The following SEMA4B variants were observed in gnomAD, a reference collection of about 807,000 sequenced individuals.
SEMA4B encodes the protein semaphorin-4B.
Under a neutral mutation model 88.1 loss-of-function variants are expected in SEMA4B, and 55 were observed. The ratio of observed to expected loss-of-function variants is 0.62; its 90% CI spans 0.50 to 0.78. The LOEUF is 0.78. Among genes scored for constraint, SEMA4B ranks in the 30% least tolerant of loss-of-function variants. The pLI, the probability that SEMA4B is intolerant of heterozygous loss-of-function variation, is 0.00. For synonymous variants in SEMA4B, 525 were observed against 473.6 expected (o/e 1.11, Z -1.41); for missense variants, 1,062 against 1,111.9 (o/e 0.96, Z 0.64).
intron 1 of SEMA4B, 103 bp from the exon 2 acceptor site, chr15:90,217,336 C>G: frequency 7.9e-7 from 1 of 1,261,350 alleles, no homozygotes; most frequent in Non-Finnish European, 1.1e-6. Context: ...CACCCTTTGC[C>G]TTGCTGATTA....
intron 1 of SEMA4B, among the ~76,000 whole-genome samples, chr15:90,209,094 G>C (rs1348486996): frequency 6.6e-6 from 1 of 152,002 alleles, no homozygotes; most frequent in Non-Finnish European, 1.5e-5. Flanking sequence ...TTTTTATCTG[G>C]GGCCCCTCTC....
intron 12 of SEMA4B, chr15:90,227,319 T>C (rs147316593): frequency 0.01 from 5,172 of 499,340 alleles, 39 homozygotes; most frequent in Non-Finnish European, 0.013. Flanking sequence ...AGTGCTGGGA[T>C]TACAGGCGTG....
chr15:90,229,050 CAG>C lies in SEMA4B; in HGVS notation c.*410_*411del. 2.8e-6 allele frequency: 1 copy of C among 358,942 alleles called. No individual in the cohort carries two copies. The highest frequency in any genetic ancestry group is 2.2e-5 in the South Asian group (1 of 46,480). 22.2% of individuals were successfully genotyped at this position (358,942 alleles called of 1,614,324 possible). On this transcript the variant is annotated 3_prime_UTR_variant, in exon 14 of 14. Coordinates refer to ENST00000411539, the MANE Select transcript of SEMA4B (RefSeq NM_198925.4). The stretch of plus-strand genomic sequence containing the variant: ...ATGCATCCAAAGTGGTTGTCTGAGA[CAG>C]AGTTGGAAACCCTCACCAACTGGCC...
chr15:90,224,080 A>G, intron 9 of SEMA4B, 92 bp downstream of exon 9: 1 of 1,248,330 alleles, frequency 8.0e-7, no homozygotes, highest in South Asian at 1.4e-5. Flanking sequence ...CCTCGGGCAG[A>G]TCACTTGGCT....
rs564971492 is a variant in SEMA4B at position 90,201,400 on chromosome 15, G to A, written c.-179G>A. On this transcript the variant is annotated 5_prime_UTR_variant, in exon 1 of 14. Transcript: ENST00000411539. ...CGGCGGGAGGACTGCGGTGCCCCGCGGAGGGGCTGAGTTTGCCAGGGCCCA... is the reference window on the plus strand; with the variant it reads ...CGGCGGGAGGACTGCGGTGCCCCGCAGAGGGGCTGAGTTTGCCAGGGCCCA... 9 of 1,277,750 alleles carry A rather than the reference G, an allele frequency of 7.0e-6. No homozygotes were observed. In the South Asian group the frequency reaches 2.3e-4, roughly 32 times the overall value. The allele number at this position is 1,277,750 out of a possible 1,614,324, so 79.2% of individuals were successfully genotyped here. A position where few individuals can be genotyped will look rare whatever the true frequency, so the allele number is the denominator to read the frequency against.
At chr15:90,207,814 A>G (rs1961066181) in intron 1 of SEMA4B, among the ~76,000 whole-genome samples, 2 of 152,216 alleles carry the variant, frequency 1.3e-5, no homozygotes, top group South Asian at 2.1e-4. Context: ...TTGCATGGCC[A>G]TAGTTGGGAA....
chr15:90,206,848 A>C, intron 1 of SEMA4B: 9 of 719,954 alleles, frequency 1.3e-5, no homozygotes, highest in South Asian at 1.2e-4. Flanking sequence ...TCTCTGTCAA[A>C]TTGACAGAGA....
At chr15:90,221,246 T>G (rs1373298323) in intron 5 of SEMA4B, 121 bp from the exon 6 acceptor site, 2 of 1,153,550 alleles carry the variant, frequency 1.7e-6, no homozygotes, top group Admixed American at 4.1e-5. Context: ...TTTTCCAAGT[T>G]CCAGCTTCCT....
At chr15:90,196,100 T>G (rs1960495952) in intron 1 of SEMA4B, among the ~76,000 whole-genome samples, 1 of 150,450 alleles carries the variant, frequency 6.6e-6, no homozygotes, top group Non-Finnish European at 1.5e-5. Flanking sequence ...TTTTTTTTTT[T>G]TGTATTTTTA....
In SEMA4B at chr15:90,194,636, TTTAC is replaced by T. The variant is rs780763823; in HGVS notation, c.-121-6814_-121-6811del. On this transcript the variant is annotated intron_variant, in intron 1 of 14. Transcript: ENST00000332496. ...TGACTCTGTCTCACCCATTTATTTA[TTTAC>T]TTACTTATTTTCAGGCTCCCAAAGT... 2.8e-4 allele frequency among the ~76,000 whole-genome samples: 43 copies of T among 152,166 alleles called. 1 individual carries two copies. The highest frequency in any genetic ancestry group is 1.9e-4 in the Non-Finnish European group (13 of 68,030).
chr15:90,203,061 C>T (rs1413409758), intron 1 of SEMA4B, among the ~76,000 whole-genome samples: 4 of 152,208 alleles, frequency 2.6e-5, no homozygotes, highest in African/African-American at 9.6e-5. Flanking sequence ...GGTATAATAA[C>T]AGAACCTACC....
At chr15:90,186,819 G>T (rs975746126) in intron 1 of SEMA4B, among the ~76,000 whole-genome samples, 1 of 152,060 alleles carries the variant, frequency 6.6e-6, no homozygotes, top group Admixed American at 6.5e-5. Flanking sequence ...TGTAGTCCCA[G>T]CTACTCGCGA....
At chr15:90,185,924 A>ATTTTTT (rs398028319) in intron 1 of SEMA4B, among the ~76,000 whole-genome samples, 2 of 55,456 alleles carry the variant, frequency 3.6e-5, no homozygotes, top group Admixed American at 2.7e-4. Context: ...TCTTTTGGTG[A>ATTTTTT]TTTTTTTTTT....
chr15:90,187,411 C>T (rs1042990485), intron 1 of SEMA4B, among the ~76,000 whole-genome samples: 1 of 152,182 alleles, frequency 6.6e-6, no homozygotes, highest in African/African-American at 2.4e-5. Context: ...CCTGCTGTTT[C>T]CATGTTCTGT....
At chr15:90,217,665 G>A in intron 2 of SEMA4B, 63 bp downstream of exon 2, 4 of 1,606,180 alleles carry the variant, frequency 2.5e-6, no homozygotes, top group Non-Finnish European at 3.4e-6. Flanking sequence ...AGATGGACGG[G>A]AAGCTTGACC....
chr15:90,189,315 C>G (rs1262841263), intron 1 of SEMA4B, among the ~76,000 whole-genome samples: 1 of 152,166 alleles, frequency 6.6e-6, no homozygotes, highest in Non-Finnish European at 1.5e-5. Context: ...TGATTTCTGA[C>G]TATAGGTTGA....
chr15:90,201,552 C>T lies in SEMA4B; in HGVS notation c.-27C>T, dbSNP rs1567045827. On this transcript the variant is annotated 5_prime_UTR_variant, in exon 1 of 14. Coordinates refer to ENST00000411539, the MANE Select transcript of SEMA4B (RefSeq NM_198925.4). The stretch of plus-strand genomic sequence containing the variant: ...GGCCGAGCCACCTGAGCCCGAGCCG[C>T]GGGACACCGTCGCTCCTGCTCTCCG... 2.1e-6 allele frequency: 3 copies of T among 1,437,628 alleles called. No homozygotes were observed. Among genetic ancestry groups the T allele is most frequent in the Admixed American group, 2.7e-5 (1 of 37,178 alleles). 89.1% of individuals were successfully genotyped at this position (1,437,628 alleles called of 1,614,324 possible).
intron 12 of SEMA4B, among the ~76,000 whole-genome samples, chr15:90,226,661 T>A (rs1962188331): frequency 1.3e-5 from 2 of 152,330 alleles, no homozygotes; most frequent in African/African-American, 4.8e-5. Flanking sequence ...ATATTTTATA[T>A]AACATTGGCA....
At chr15:90,220,289 T>A in intron 4 of SEMA4B, 1 of 181,868 alleles carries the variant, frequency 5.5e-6, no homozygotes, top group Non-Finnish European at 1.1e-5. Flanking sequence ...AGCTTTGGGG[T>A]CAGACACACC....
Sources: gnomAD v4.1 joint callset for allele counts (sites outside exome capture counted in the v4.1 genomes callset) on GRCh38, gnomAD v4.1.1 for gene constraint, MANE v1.5 for transcripts, NCBI Gene and HGNC (gene_info 2026-07-23, HGNC 2026-07-21) for gene names.